CRYL1: variants seen among roughly 807,000 people sequenced by gnomAD.
The protein encoded by CRYL1 is crystallin lambda 1.
CRYL1 carries 29 observed loss-of-function variants against 36.6 expected under a neutral mutation model. The ratio of observed to expected loss-of-function variants is 0.79; its 90% CI spans 0.59 to 1.08. CRYL1 has a LOEUF of 1.08. CRYL1 is among the 50% of genes least tolerant of loss of function. The pLI, the probability that CRYL1 is intolerant of heterozygous loss-of-function variation, is 0.00. For synonymous variants in CRYL1, 152 were observed against 151.5 expected (o/e 1.00, Z -0.02); for missense variants, 411 against 407.9 (o/e 1.01, Z -0.06).
At chr13:20,500,671 T>G (rs1248520496) in intron 2 of CRYL1, among the ~76,000 whole-genome samples, 3 of 152,232 alleles carry the variant, frequency 2.0e-5, no homozygotes, top group Non-Finnish European at 4.4e-5. Flanking sequence ...GATTAGCCTT[T>G]GATTCCTGGA....
In CRYL1 at chr13:20,439,586, TACTC is replaced by T; in HGVS notation, c.438+3_438+6del. On this transcript the variant is annotated splice_donor_5th_base_variant and intron_variant, in intron 4 of 7. Coordinates refer to ENST00000298248, the MANE Select transcript of CRYL1 (RefSeq NM_015974.3). ...TACAATCAATCCTCTGGATTTAAAA[TACTC>T]ACAGGATGAGCCACGATGCATTGCT... 2.1e-6 allele frequency: 3 copies of T among 1,428,152 alleles called. No homozygotes were observed. The highest frequency in any genetic ancestry group is 1.9e-6 in the Non-Finnish European group (2 of 1,074,174). 88.5% of individuals were successfully genotyped at this position (1,428,152 alleles called of 1,614,324 possible). A position where few individuals can be genotyped will look rare whatever the true frequency, so the allele number is the denominator to read the frequency against.
chr13:20,515,353 A>G (rs2033982098), intron 1 of CRYL1, among the ~76,000 whole-genome samples: 1 of 152,252 alleles, frequency 6.6e-6, no homozygotes, highest in Non-Finnish European at 1.5e-5. Context: ...TATTAAAAAT[A>G]AATGTTTGTA....
At position 20,443,554 on chromosome 13, in the gene CRYL1, G is replaced by A. The variant is rs189691703; in HGVS notation, c.277-3800C>T. On this transcript the variant is annotated intron_variant, in intron 3 of 7. Coordinates refer to ENST00000298248, the MANE Select transcript of CRYL1 (RefSeq NM_015974.3). ...ACTACAGGCCTGCACCACCACACCC[G>A]GCTAATTTTTGTATTTTTAGTAGAG... Among the ~76,000 whole-genome samples the A allele has an allele frequency of 1.9e-3, 284 of 151,912 alleles. 1 individual carries two copies. Among genetic ancestry groups the A allele is most frequent in the African/African-American group, 6.6e-3 (272 of 41,432 alleles).
At chr13:20,508,821 T>C (rs1236080229) in intron 2 of CRYL1, among the ~76,000 whole-genome samples, 2 of 119,226 alleles carry the variant, frequency 1.7e-5, no homozygotes, top group African/African-American at 3.3e-5. Flanking sequence ...TGCACTCCAC[T>C]CCGGCCTAGG....
At chr13:20,468,935 G>T (rs746043779) in intron 3 of CRYL1, among the ~76,000 whole-genome samples, 2 of 152,110 alleles carry the variant, frequency 1.3e-5, no homozygotes, top group Non-Finnish European at 2.9e-5. Context: ...CTAGCATCTA[G>T]TGCTATGAGT....
At chr13:20,421,717 C>T (rs1257114372) in intron 5 of CRYL1, among the ~76,000 whole-genome samples, 1 of 152,184 alleles carries the variant, frequency 6.6e-6, no homozygotes, top group East Asian at 1.9e-4. Flanking sequence ...TGAAATCCAT[C>T]ATTTATATTC....
chr13:20,454,421 T>G (rs1313038795), intron 3 of CRYL1, among the ~76,000 whole-genome samples: 1 of 32,142 alleles, frequency 3.1e-5, no homozygotes, highest in Non-Finnish European at 6.2e-5. Context: ...TCGTGTTTGT[T>G]TTTTTTTTTT....
chr13:20,522,563 G>A (rs2034114417), intron 1 of CRYL1, among the ~76,000 whole-genome samples: 1 of 152,128 alleles, frequency 6.6e-6, no homozygotes, highest in Admixed American at 6.5e-5. Flanking sequence ...TGTCTATTGG[G>A]ACCACGCATG....
At chr13:20,466,985 T>C (rs2137439647) in intron 3 of CRYL1, among the ~76,000 whole-genome samples, 1 of 151,706 alleles carries the variant, frequency 6.6e-6, no homozygotes, top group South Asian at 2.1e-4. Flanking sequence ...TCTCACTCTG[T>C]TGCCCAGGCT....
intron 3 of CRYL1, among the ~76,000 whole-genome samples, chr13:20,477,351 A>T (rs1295661604): frequency 6.6e-6 from 1 of 151,166 alleles, no homozygotes; most frequent in African/African-American, 2.4e-5. Flanking sequence ...TAATTAATTT[A>T]TATATATATA....
intron 2 of CRYL1, among the ~76,000 whole-genome samples, chr13:20,511,739 G>C (rs1412840646): frequency 1.3e-5 from 2 of 152,198 alleles, no homozygotes; most frequent in Non-Finnish European, 2.9e-5. Context: ...TGCGGTGAGG[G>C]TGCTCCACGC....
At chr13:20,487,973 A>G (rs1000584419) in intron 3 of CRYL1, among the ~76,000 whole-genome samples, 6 of 151,972 alleles carry the variant, frequency 3.9e-5, no homozygotes, top group African/African-American at 1.5e-4. Context: ...GTGGTGGTGC[A>G]CACTTGTAAT....
rs779483264 is a variant in CRYL1, at chr13:20,404,082, C to A, written c.*47G>T. Reference sequence around the variant, plus strand: ...GCTGATTAAGGGCTTGCAGTGTTCCCAAATAGGGCCTCCAATGAGAGGAGT... The same window carrying A: ...GCTGATTAAGGGCTTGCAGTGTTCCAAAATAGGGCCTCCAATGAGAGGAGT... On this transcript the variant is annotated 3_prime_UTR_variant, in exon 8 of 8. Coordinates refer to ENST00000298248, the MANE Select transcript of CRYL1 (RefSeq NM_015974.3). The A allele has an allele frequency of 2.2e-6, 3 of 1,355,812 alleles. No homozygotes were observed. The highest frequency in any genetic ancestry group is 3.2e-6 in the Non-Finnish European group (3 of 946,022). The allele number at this position is 1,355,812 out of a possible 1,614,324, so 84.0% of individuals were successfully genotyped here.
chr13:20,498,105 C>T (rs112642511), intron 2 of CRYL1, among the ~76,000 whole-genome samples: 5 of 150,964 alleles, frequency 3.3e-5, no homozygotes, highest in African/African-American at 1.2e-4. Flanking sequence ...ACACCATACA[C>T]ACTACACACA....
chr13:20,477,838 C>T (rs1243326344), intron 3 of CRYL1, among the ~76,000 whole-genome samples: 1 of 139,696 alleles, frequency 7.2e-6, no homozygotes, highest in Non-Finnish European at 1.5e-5. Flanking sequence ...ATATAATATA[C>T]TATAGTATAT....
Position 20,432,167 on chromosome 13 carries a change from C to T in CRYL1, c.568G>A (p.Val190Met). 6.2e-7 allele frequency: 1 copy of T among 1,614,152 alleles called. No individual in the cohort carries two copies. Among genetic ancestry groups the T allele is most frequent in the Non-Finnish European group, 8.5e-7 (1 of 1,180,026 alleles). ...GQCPMRVQKEVAGFVLNRLQY... is the reference protein window; with the variant it reads ...GQCPMRVQKEMAGFVLNRLQY... ...AGGCGGTTCAGAACGAAGCCGGCCACCTCCTTCTGGACTCGCATGGGGCAC... is the reference window on the plus strand; with the variant it reads ...AGGCGGTTCAGAACGAAGCCGGCCATCTCCTTCTGGACTCGCATGGGGCAC... Residue 190 changes from valine (V) to methionine (M), a missense_variant, in exon 5 of 8, where the codon GTG becomes ATG. By Grantham distance (21) the Val-to-Met change is conservative. Transcript: ENST00000298248.
At chr13:20,510,611 CTTT>C (rs56145129) in intron 2 of CRYL1, among the ~76,000 whole-genome samples, 5,498 of 134,028 alleles carry the variant, frequency 0.041, 245 homozygotes, top group African/African-American at 0.12. Context: ...CCAAGTGAAT[CTTT>C]TTTTTTTTTT....
chr13:20,503,673 A>T (rs1451450408), intron 2 of CRYL1, among the ~76,000 whole-genome samples: 1 of 152,240 alleles, frequency 6.6e-6, no homozygotes, highest in Admixed American at 6.5e-5. Flanking sequence ...AGGGGAGTGC[A>T]GACAGAGACG....
intron 6 of CRYL1, among the ~76,000 whole-genome samples, chr13:20,406,893 C>G (rs2031392141): frequency 6.6e-6 from 1 of 151,712 alleles, no homozygotes; most frequent in African/African-American, 2.4e-5. Context: ...AGAGCAGCCA[C>G]AGGCCAGGGG....
Sources: gnomAD v4.1 joint callset for allele counts (sites outside exome capture counted in the v4.1 genomes callset) on GRCh38, gnomAD v4.1.1 for gene constraint, MANE v1.5 for transcripts, NCBI Gene and HGNC (gene_info 2026-07-23, HGNC 2026-07-21) for gene names.